ACSL1: variants seen among roughly 807,000 people sequenced by gnomAD.
ACSL1 encodes the protein acyl-CoA synthetase long chain family member 1.
A neutral mutation model predicts 98.4 loss-of-function variants in ACSL1; 41 were observed. That is an observed-to-expected ratio of 0.42 (90% CI 0.32 to 0.54). The LOEUF is 0.54. Among genes scored for constraint, ACSL1 ranks in the 20% least tolerant of loss-of-function variants. The pLI, the probability that ACSL1 is intolerant of heterozygous loss-of-function variation, is 0.13. For synonymous variants in ACSL1, 316 were observed against 322.7 expected, an observed-to-expected ratio of 0.98 and a Z score of 0.22; for missense variants, 734 against 883.1, an observed-to-expected ratio of 0.83 and a Z score of 2.14.
intron 12 of ACSL1, among the ~76,000 whole-genome samples, chr4:184,767,425 T>C (rs1763783328): frequency 6.6e-6 from 1 of 151,980 alleles, no homozygotes. Flanking sequence ...AAGGAGCACA[T>C]ATGGCATGAT....
chr4:184,768,135 C>G, intron 12 of ACSL1, 181 bp downstream of exon 12: 2 of 595,400 alleles, frequency 3.4e-6, no homozygotes, highest in Non-Finnish European at 5.5e-6. Context: ...TCTTATAATC[C>G]TTATCAGCCA....
At chr4:184,777,548 A>G (rs906295547) in intron 5 of ACSL1, among the ~76,000 whole-genome samples, 1 of 151,478 alleles carries the variant, frequency 6.6e-6, no homozygotes, top group Non-Finnish European at 1.5e-5. Flanking sequence ...CAGAGAGAGA[A>G]AGAGGAGAGA....
chr4:184,814,326 C>G (rs1350457687), intron 1 of ACSL1, among the ~76,000 whole-genome samples: 2 of 141,926 alleles, frequency 1.4e-5, no homozygotes, highest in African/African-American at 2.6e-5. Flanking sequence ...AGAGTGGGAA[C>G]AGAGGAGAGC....
At chr4:184,819,786 T>C (rs1342327795) in intron 1 of ACSL1, among the ~76,000 whole-genome samples, 2 of 152,138 alleles carry the variant, frequency 1.3e-5, no homozygotes, top group Non-Finnish European at 2.9e-5. Flanking sequence ...AGGAGGGATT[T>C]GATCAGAGCT....
rs1198363577 is a variant in ACSL1, at chr4:184,825,562, A to G, written c.-33+354T>C. On this transcript the variant is annotated intron_variant, in intron 1 of 20. Coordinates refer to ENST00000281455, the MANE Select transcript of ACSL1 (RefSeq NM_001995.5). This position sits in a 1 kb window ranked among gnomAD's most constrained non-coding sequence, Gnocchi z 4.7. ...AGCTGGGCCACCTCCTCCCAGCCGA[A>G]GCGCGGCCTCCGGCTGCTTCGCCGG... Among the ~76,000 whole-genome samples the G allele has an allele frequency of 1.3e-5, 2 of 151,456 alleles. No homozygotes were observed. The highest frequency in any genetic ancestry group is 2.9e-5 in the Non-Finnish European group (2 of 67,822).
Position 184,825,116 on chromosome 4 carries a change from C to A in ACSL1, c.-33+800G>T. 1 of 939,156 alleles carries A rather than the reference C, an allele frequency of 1.1e-6. No individual in the cohort carries two copies. Among genetic ancestry groups the A allele is most frequent in the Non-Finnish European group, 1.3e-6 (1 of 787,738 alleles). 58.2% of individuals were successfully genotyped at this position (939,156 alleles called of 1,614,324 possible). On this transcript the variant is annotated intron_variant, in intron 1 of 20. Coordinates refer to ENST00000281455, the MANE Select transcript of ACSL1 (RefSeq NM_001995.5). The surrounding 1 kb of genome is among the most constrained non-coding windows in gnomAD (Gnocchi z 4.7). ...GTCACTCTTAATTATGCTCCATAAC[C>A]TTGAAATTGGACTGAGTGGGGAAGG...
At chr4:184,786,993 A>G (rs1047428798) in intron 3 of ACSL1, among the ~76,000 whole-genome samples, 1 of 152,090 alleles carries the variant, frequency 6.6e-6, no homozygotes, top group African/African-American at 2.4e-5. Context: ...TGCCCGGCCA[A>G]TAGGCACTTC....
chr4:184,768,502 A>G (rs766423664), intron 11 of ACSL1, 52 bp from the exon 12 acceptor site: 1 of 1,575,390 alleles, frequency 6.3e-7, no homozygotes, highest in African/African-American at 1.4e-5. Flanking sequence ...CAGGGGTTAC[A>G]CAACATATGG....
At chr4:184,761,461 A>C (rs4861631) in intron 17 of ACSL1, among the ~76,000 whole-genome samples, 36,962 of 152,204 alleles carry the variant, frequency 0.24, 5,734 homozygotes, top group Non-Finnish European at 0.35. Context: ...TCAGCATCAT[A>C]ATAACTTCGA....
chr4:184,766,887 G>GTTAGAGGACCGGCCA lies in ACSL1; in HGVS notation c.1129-132_1129-131insTGGCCGGTCCTCTAA. 4 of 1,079,628 alleles carry GTTAGAGGACCGGCCA rather than the reference G, an allele frequency of 3.7e-6. No individual in the cohort carries two copies. The highest frequency in any genetic ancestry group is 1.6e-5 in the African/African-American group (1 of 62,930). 66.9% of individuals were successfully genotyped at this position (1,079,628 alleles called of 1,614,324 possible). A position where few individuals can be genotyped will look rare whatever the true frequency, so the allele number is the denominator to read the frequency against. ...GCACAGCTGCTCTGACAGCCTGGCCGGTCCTCTAACGGCCCCACATGGTCA... is the reference window on the plus strand; with the variant it reads ...GCACAGCTGCTCTGACAGCCTGGCCGTTAGAGGACCGGCCAGTCCTCTAACGGCCCCACATGGTCA... On this transcript the variant is annotated intron_variant, in intron 12 of 20. Transcript: ENST00000281455. The surrounding 1 kb of genome is among the most constrained non-coding windows in gnomAD (Gnocchi z 4.8).
At chr4:184,790,860 C>T (rs561474970) in intron 2 of ACSL1, among the ~76,000 whole-genome samples, 9 of 152,278 alleles carry the variant, frequency 5.9e-5, no homozygotes, top group African/African-American at 1.9e-4. Context: ...GCCTGAAATT[C>T]AGAAGCAATT....
At chr4:184,816,472 G>C (rs1210965925) in intron 1 of ACSL1, among the ~76,000 whole-genome samples, 2 of 152,072 alleles carry the variant, frequency 1.3e-5, no homozygotes, top group African/African-American at 4.8e-5. Context: ...ATAGAATAAT[G>C]ACCAGTGTTT....
intron 4 of ACSL1, among the ~76,000 whole-genome samples, chr4:184,782,101 A>T (rs1196074283): frequency 1.3e-5 from 2 of 152,180 alleles, no homozygotes; most frequent in Non-Finnish European, 2.9e-5. Context: ...GGATGACACA[A>T]ACAGGCTCAT....
chr4:184,776,740 A>G (rs1380833908), intron 6 of ACSL1, 78 bp from the exon 7 acceptor site: 1 of 1,512,176 alleles, frequency 6.6e-7, no homozygotes, highest in Non-Finnish European at 9.0e-7. Flanking sequence ...GCACAAGGAT[A>G]CTTGAAGTAC....
intron 2 of ACSL1, among the ~76,000 whole-genome samples, chr4:184,789,117 G>A (rs1767911269): frequency 6.6e-6 from 1 of 152,258 alleles, no homozygotes. Flanking sequence ...TGCCCAGTGA[G>A]TGAGTGCTGA....
At chr4:184,787,992 AC>A in intron 3 of ACSL1, among the ~76,000 whole-genome samples, 1 of 152,168 alleles carries the variant, frequency 6.6e-6, no homozygotes. Context: ...ACATAGCAAG[AC>A]CCCATTTCTA....
Position 184,762,488 on chromosome 4 carries a change from G to A in ACSL1, c.1557C>T (p.Tyr519=). ...CVKGPNVFQG[Y]LKDPAKTAEA... ...CTGCTGTTTTCGCTGGGTCCTTCAA[G>A]TAGCCCTGAAATACATTTGGCCCTT... The change falls in exon 17 of 21, where the codon TAC becomes TAT. Residue 519 remains tyrosine, a synonymous_variant. Coordinates refer to ENST00000281455, the MANE Select transcript of ACSL1 (RefSeq NM_001995.5). 2.5e-6 allele frequency: 4 copies of A among 1,614,232 alleles called. No homozygotes were observed. Among genetic ancestry groups the A allele is most frequent in the South Asian group, 2.2e-5 (2 of 91,090 alleles).
In ACSL1 at chr4:184,766,527, A is replaced by C; in HGVS notation, c.1263+95T>G. On this transcript the variant is annotated intron_variant, in intron 13 of 20. Transcript: ENST00000281455. The surrounding 1 kb of genome is among the most constrained non-coding windows in gnomAD (Gnocchi z 4.8). ...ACAAAAACATGTTATTCTCTCCCTT[A>C]CCTTCATCTCTCCCTCTCACAAAAA... 4 of 1,464,636 alleles carry C rather than the reference A, an allele frequency of 2.7e-6. No homozygotes were observed. Among genetic ancestry groups the C allele is most frequent in the South Asian group, 1.3e-5 (1 of 78,652 alleles). The allele number at this position is 1,464,636 out of a possible 1,614,324, so 90.7% of individuals were successfully genotyped here.
chr4:184,777,919 A>T (rs1177613953), intron 5 of ACSL1, among the ~76,000 whole-genome samples: 1 of 152,188 alleles, frequency 6.6e-6, no homozygotes, highest in Admixed American at 6.5e-5. Context: ...AGCCACTGAG[A>T]GTTTCTCAGC....
Sources: allele counts gnomAD v4.1 joint callset (sites outside exome capture counted in the v4.1 genomes callset), GRCh38; gene constraint gnomAD v4.1.1; non-coding constraint Gnocchi (gnomAD v3.1); transcripts MANE v1.5; gene names NCBI Gene and HGNC (gene_info 2026-07-23, HGNC 2026-07-21).